Variants in TRAF7 observed in about 807,000 individuals in gnomAD.
TRAF7 encodes the protein TNF receptor associated factor 7.
In TRAF7, 45 loss-of-function variants were observed where a neutral mutation model predicts 89.3. The observed-to-expected ratio is 0.50, with a 90% confidence interval of 0.40 to 0.65. The LOEUF is 0.65. Ranked by LOEUF, TRAF7 falls within the 30% of genes least tolerant of loss-of-function variation. The pLI is 0.00. For missense variants in TRAF7, 677 were observed against 918.1 expected (o/e 0.74, Z 3.39); for synonymous variants, 406 against 369.2 (o/e 1.10, Z -1.14).
In TRAF7 at chr16:2,177,750, G is replaced by C; in HGVS notation, c.*1176G>C. ...CATTCACCAAACCCACCCGCGCCCT[G>C]GGACGCAGCCACGCCAGGAGGAGGA... On this transcript the variant is annotated 3_prime_UTR_variant, in exon 21 of 21. Transcript: ENST00000326181. 4.1e-6 allele frequency: 1 copy of C among 243,840 alleles called. No individual in the cohort carries two copies. The highest frequency in any genetic ancestry group is 2.2e-5 in the African/African-American group (1 of 45,220). The allele number at this position is 243,840 out of a possible 1,614,324, so 15.1% of individuals were successfully genotyped here. A position where few individuals can be genotyped will look rare whatever the true frequency, so the allele number is the denominator to read the frequency against.
At position 2,172,298 on chromosome 16, in the gene TRAF7, G is replaced by T; in HGVS notation, c.583G>T (p.Ala195Ser). Residue 195 changes from alanine (A) to serine (S), a missense_variant, in exon 8 of 21, where the codon GCG (alanine) becomes TCG (serine). Ala to Ser is a moderately conservative substitution (Grantham distance 99). Coordinates refer to ENST00000326181, the MANE Select transcript of TRAF7 (RefSeq NM_032271.3). The stretch of plus-strand genomic sequence containing the variant: ...CCACTGCCGGCACGGCTGCCGGGTA[G>T]CGGGCAGCGGGAAGCCCCCCATCTT... ...FIHCRHGCRVAGSGKPPIFEV... is the reference protein window; with the variant it reads ...FIHCRHGCRVSGSGKPPIFEV... 6.2e-7 allele frequency: 1 copy of T among 1,612,818 alleles called. No individual in the cohort carries two copies. The highest frequency in any genetic ancestry group is 8.5e-7 in the Non-Finnish European group (1 of 1,179,984).
In TRAF7 at chr16:2,166,295, C is replaced by T. The variant is rs1423425916; in HGVS notation, c.139+359C>T. ...CAGTCTCAGGCTCCTGGCCAGCCTC[C>T]GAAAGGTCCCGTGTGCCCGGAGGTC... On this transcript the variant is annotated intron_variant, in intron 3 of 20. Coordinates refer to ENST00000326181, the MANE Select transcript of TRAF7 (RefSeq NM_032271.3). Among the ~76,000 whole-genome samples the T allele has an allele frequency of 2.6e-5, 4 of 152,318 alleles. No homozygotes were observed. The East Asian group carries it at 5.8e-4, about 22-fold the overall frequency.
At chr16:2,171,688 C>T (rs2093111892) in intron 7 of TRAF7, 83 bp downstream of exon 7, 3 of 1,599,516 alleles carry the variant, frequency 1.9e-6, no homozygotes, top group South Asian at 1.1e-5. Flanking sequence ...CCCTTGTCCC[C>T]TGCACAGCGT....
intron 2 of TRAF7, among the ~76,000 whole-genome samples, chr16:2,164,469 C>G (rs1436252673): frequency 8.8e-5 from 9 of 102,604 alleles, no homozygotes; most frequent in African/African-American, 1.2e-4. Flanking sequence ...GCTGCGTGGC[C>G]TGGCCTGGTC....
Position 2,176,730 on chromosome 16 carries a change from G to A in TRAF7, c.*156G>A, listed in dbSNP as rs530479282. On this transcript the variant is annotated 3_prime_UTR_variant, in exon 21 of 21. Transcript: ENST00000326181. Reference sequence around the variant, plus strand: ...GCAGTGCCCTCCCCGTCCCATGCTCGGCGAGCCTCCCTCTACTCGGCACTG... The same window carrying A: ...GCAGTGCCCTCCCCGTCCCATGCTCAGCGAGCCTCCCTCTACTCGGCACTG... The A allele has an allele frequency of 1.4e-4, 151 of 1,110,952 alleles. 1 individual carries two copies. The African/African-American group carries it at 2.1e-3, about 15-fold the overall frequency. 68.8% of individuals were successfully genotyped at this position (1,110,952 alleles called of 1,614,324 possible).
At position 2,178,081 on chromosome 16, in the gene TRAF7, GA is replaced by G. The variant is rs1368164948; in HGVS notation, c.*1510del. 8.7e-5 allele frequency: 43 copies of G among 491,764 alleles called. No homozygotes were observed. The highest frequency in any genetic ancestry group is 1.6e-4 in the Non-Finnish European group (41 of 255,862). 30.5% of individuals were successfully genotyped at this position (491,764 alleles called of 1,614,324 possible). ...AGTTATACCTTTTTGTTTCTCTGGG[GA>G]AATCCGCCTCAGCTCATTCCCAATA... is the stretch of plus-strand genomic sequence containing the variant. On this transcript the variant is annotated 3_prime_UTR_variant, in exon 21 of 21. Transcript: ENST00000326181.
rs189652805 is a variant in TRAF7, at chr16:2,168,648, C to T, written c.231+480C>T. 2.3e-3 allele frequency: 357 copies of T among 155,356 alleles called. No individual in the cohort carries two copies. Among genetic ancestry groups the T allele is most frequent in the Non-Finnish European group, 3.8e-3 (269 of 70,354 alleles). The allele number at this position is 155,356 out of a possible 1,614,324, so 9.6% of individuals were successfully genotyped here. A position where few individuals can be genotyped will look rare whatever the true frequency, so the allele number is the denominator to read the frequency against. ...ACCAGAGGCAATGGGGTGGGGGTTG[C>T]GGAACCTGCGCCAAGTGCTGGGGGA... is the stretch of plus-strand genomic sequence containing the variant. On this transcript the variant is annotated intron_variant, in intron 4 of 20. Transcript: ENST00000326181. The surrounding 1 kb of genome is among the most constrained non-coding windows in gnomAD (Gnocchi z 4.1).
chr16:2,173,591 C>T (rs765017268), intron 11 of TRAF7, 37 bp downstream of exon 11: 5 of 1,606,298 alleles, frequency 3.1e-6, no homozygotes, highest in East Asian at 4.5e-5. Context: ...GGTTGTGAGA[C>T]CCGGGGAGGC....
chr16:2,156,504 G>T (rs932346778), intron 1 of TRAF7, among the ~76,000 whole-genome samples: 1 of 152,160 alleles, frequency 6.6e-6, no homozygotes, highest in African/African-American at 2.4e-5. Flanking sequence ...AAGAAAGAGG[G>T]TGCTGAAAAA....
At chr16:2,172,635 G>GGGC in intron 9 of TRAF7, 36 bp downstream of exon 9, 2 of 1,273,320 alleles carry the variant, frequency 1.6e-6, no homozygotes, top group Non-Finnish European at 2.2e-6. Flanking sequence ...GCCGGGGTGG[G>GGGC]CGCAGGCCCT....
At position 2,161,058 on chromosome 16, in the gene TRAF7, C is replaced by G. The variant is rs1298920983; in HGVS notation, c.-38-2825C>G. On this transcript the variant is annotated intron_variant, in intron 1 of 20. Transcript: ENST00000326181. This position sits in a 1 kb window ranked among gnomAD's most constrained non-coding sequence, Gnocchi z 5.2. The stretch of plus-strand genomic sequence containing the variant: ...ATGGATCCTGCCTTAGGGCGGGACA[C>G]AAACGTTCCCTGGCCTCCAGCCCCA... Among the ~76,000 whole-genome samples, 4 of 152,250 alleles carry G rather than the reference C, an allele frequency of 2.6e-5. No homozygotes were observed. The East Asian group carries it at 7.7e-4, about 29-fold the overall frequency.
chr16:2,167,969 G>T, intron 3 of TRAF7, 108 bp from the exon 4 acceptor site: 4 of 966,180 alleles, frequency 4.1e-6, no homozygotes, highest in Non-Finnish European at 6.3e-6. Context: ...CCTGGGGAGG[G>T]CTGTGAGCTA....
chr16:2,168,104 A>C lies in TRAF7; in HGVS notation c.167A>C (p.His56Pro), dbSNP rs1413603789. ...KADGTSTYKQ[H>P]CRTPSSSSTL... ...GACGGGACCAGCACCTACAAGCAGC[A>C]CTGCAGGACACCCTCCTCCTCCAGC... The change falls in exon 4 of 21, where the codon CAC (histidine) becomes CCC (proline). Residue 56 changes from histidine to proline, a missense_variant. By Grantham distance (77) the His-to-Pro change is moderately conservative. Transcript: ENST00000326181. This position sits in a 1 kb window ranked among gnomAD's most constrained non-coding sequence, Gnocchi z 4.1. 6.2e-7 allele frequency: 1 copy of C among 1,611,904 alleles called. No homozygotes were observed. Among genetic ancestry groups the C allele is most frequent in the Non-Finnish European group, 8.5e-7 (1 of 1,179,848 alleles).
At chr16:2,165,692 GCGTGGCGCGGCCTGGTCGCATGATT>G (rs2093083201) in intron 2 of TRAF7, among the ~76,000 whole-genome samples, 162 bp from the exon 3 acceptor site, 2 of 149,704 alleles carry the variant, frequency 1.3e-5, no homozygotes, top group African/African-American at 4.9e-5. Context: ...TGTTAGCGCT[GCGTGGCGCGGCCTGGTCGCATGATT>G]AAGCGTGTGA....
rs375818110 is a variant in TRAF7, at chr16:2,172,281, G to A, written c.566G>A (p.Arg189Gln). 34 of 1,612,904 alleles carry A rather than the reference G, an allele frequency of 2.1e-5. No individual in the cohort carries two copies. The African/African-American group carries it at 2.5e-4, about 12-fold the overall frequency. ...EQIGELFIHC[R>Q]HGCRVAGSGK... is the part of the protein sequence containing the mutation. Reference sequence around the variant, plus strand: ...ATCGGGGAGCTCTTCATCCACTGCCGGCACGGCTGCCGGGTAGCGGGCAGC... The same window carrying A: ...ATCGGGGAGCTCTTCATCCACTGCCAGCACGGCTGCCGGGTAGCGGGCAGC... The change falls in exon 8 of 21, where the codon CGG becomes CAG. Residue 189 changes from arginine to glutamine, a missense_variant. Around this residue, in one of 6 missense-constraint regions of TRAF7, gnomAD observed 238 missense variants for 352.6 expected, o/e 0.67. Coordinates refer to ENST00000326181, the MANE Select transcript of TRAF7 (RefSeq NM_032271.3).
At chr16:2,173,860 C>CT in intron 12 of TRAF7, 24 bp downstream of exon 12, 229 of 528,918 alleles carry the variant, frequency 4.3e-4, no homozygotes, top group South Asian at 1.1e-3. Flanking sequence ...CGCCGTGGCT[C>CT]CCGCCCACCC....
chr16:2,164,179 C>CGCACGCGTGCGT (rs1323295837), intron 2 of TRAF7, among the ~76,000 whole-genome samples, 178 bp downstream of exon 2: 1 of 120,874 alleles, frequency 8.3e-6, no homozygotes, highest in African/African-American at 3.7e-5. Flanking sequence ...CGCGCGCGCG[C>CGCACGCGTGCGT]GCACGCGTGC....
At chr16:2,165,125 C>G (rs566415774) in intron 2 of TRAF7, among the ~76,000 whole-genome samples, 21 of 111,888 alleles carry the variant, frequency 1.9e-4, no homozygotes, top group African/African-American at 2.8e-4. Context: ...GCTGCGTGGC[C>G]TGGCCTGGTC....
chr16:2,173,178 G>A lies in TRAF7; in HGVS notation c.795-4G>A, dbSNP rs1051194184. 8 of 1,603,136 alleles carry A rather than the reference G, an allele frequency of 5.0e-6. No homozygotes were observed. Among genetic ancestry groups the A allele is most frequent in the African/African-American group, 1.3e-5 (1 of 74,610 alleles). On this transcript the variant is annotated splice_region_variant and splice_polypyrimidine_tract_variant and intron_variant, in intron 9 of 20. Transcript: ENST00000326181. ...CCAGGCAGGCAGCTGTCCTGTCCCC[G>A]CAGGTGCACGTTCATCGGGAACCAG...
Sources: allele counts gnomAD v4.1 joint callset (sites outside exome capture counted in the v4.1 genomes callset), GRCh38; gene constraint gnomAD v4.1.1; regional missense constraint gnomAD v4.1.1; non-coding constraint Gnocchi (gnomAD v3.1); transcripts MANE v1.5; gene names NCBI Gene and HGNC (gene_info 2026-07-23, HGNC 2026-07-21).